The following ANO6 variants were observed in gnomAD, a reference collection of about 807,000 sequenced individuals.
The protein encoded by ANO6 is anoctamin 6, also known as anoctamin-6.
In ANO6, 106 loss-of-function variants were observed where a neutral mutation model predicts 117.5. The observed-to-expected ratio is 0.90, with a 90% CI of 0.77 to 1.06. The LOEUF is 1.06. Among genes scored for constraint, ANO6 ranks in the 50% least tolerant of loss-of-function variants. ANO6 has a pLI of 0.00. For synonymous variants in ANO6, 367 were observed against 385.1 expected, an observed-to-expected ratio of 0.95 and a Z score of 0.55; for missense variants, 955 against 1,121.1, an observed-to-expected ratio of 0.85 and a Z score of 2.12.
At chr12:45,226,712 T>A (rs74450566) in intron 1 of ANO6, among the ~76,000 whole-genome samples, 213 of 152,240 alleles carry the variant, frequency 1.4e-3, no homozygotes, top group African/African-American at 4.8e-3. Flanking sequence ...TGGTGTCACA[T>A]AGTCACAGTC....
chr12:45,241,316 A>T (rs1395766971), intron 1 of ANO6, among the ~76,000 whole-genome samples: 1 of 152,090 alleles, frequency 6.6e-6, no homozygotes, highest in Non-Finnish European at 1.5e-5. Context: ...TCAATCACTG[A>T]TATCATTTCT....
chr12:45,429,404 G>A lies in ANO6; in HGVS notation c.*93G>A. 6.5e-7 allele frequency: 1 copy of A among 1,541,826 alleles called. No individual in the cohort carries two copies. ...GAGAATGTGTAAGTTAAATCACTTT[G>A]GCAAATATGAGTCTCAACTATTGCC... is the stretch of plus-strand genomic sequence containing the variant. On this transcript the variant is annotated 3_prime_UTR_variant, in exon 20 of 20. Coordinates refer to ENST00000320560, the MANE Select transcript of ANO6 (RefSeq NM_001025356.3).
At chr12:45,227,817 T>C (rs1284092714) in intron 1 of ANO6, among the ~76,000 whole-genome samples, 2 of 152,218 alleles carry the variant, frequency 1.3e-5, no homozygotes, top group Non-Finnish European at 2.9e-5. Flanking sequence ...GTAATGACAG[T>C]GGCTGTGCTG....
At chr12:45,222,857 GCCTTGCTGGGTTTCC>G (rs983737711) in intron 1 of ANO6, among the ~76,000 whole-genome samples, 6 of 152,178 alleles carry the variant, frequency 3.9e-5, no homozygotes, top group Non-Finnish European at 8.8e-5. Flanking sequence ...GATCAGACAG[GCCTTGCTGGGTTTCC>G]CCATTCAGTC....
intron 2 of ANO6, among the ~76,000 whole-genome samples, chr12:45,311,889 T>A (rs917722042): frequency 5.9e-5 from 9 of 152,086 alleles, no homozygotes; most frequent in Non-Finnish European, 1.0e-4. Context: ...TTGAGTTTTA[T>A]GCAGTTCATT....
intron 1 of ANO6, among the ~76,000 whole-genome samples, 198 bp from the exon 2 acceptor site, chr12:45,301,816 C>G (rs867368294): frequency 6.6e-6 from 1 of 152,154 alleles, no homozygotes; most frequent in Non-Finnish European, 1.5e-5. Flanking sequence ...ACAACCCTGG[C>G]ATCGTCTGGT....
At position 45,226,146 on chromosome 12, in the gene ANO6, C is replaced by T. The variant is rs567112471; in HGVS notation, c.70+9755C>T. ...ACCAAAGAGCAATTCAAATACTGTT[C>T]AGCCAAAACACATCAGATGGAACAC... On this transcript the variant is annotated intron_variant, in intron 1 of 19. Transcript: ENST00000320560. Among the ~76,000 whole-genome samples the T allele has an allele frequency of 1.8e-4, 27 of 152,260 alleles. No individual in the cohort carries two copies. The East Asian group carries it at 2.7e-3, about 15-fold the overall frequency.
intron 1 of ANO6, among the ~76,000 whole-genome samples, chr12:45,235,120 C>T (rs1947626529): frequency 6.6e-6 from 1 of 152,214 alleles, no homozygotes; most frequent in South Asian, 2.1e-4. Flanking sequence ...GTCAGTGTTT[C>T]CTAATCACCC....
In ANO6 at chr12:45,397,109, A is replaced by G. The variant is rs1002224294; in HGVS notation, c.1387-4686A>G. Among the ~76,000 whole-genome samples the G allele has an allele frequency of 3.8e-4, 58 of 152,236 alleles. 1 individual carries two copies. Among genetic ancestry groups the G allele is most frequent in the African/African-American group, 1.4e-3 (57 of 41,452 alleles). On this transcript the variant is annotated intron_variant, in intron 12 of 19. Transcript: ENST00000320560. ...CAATCTACCCATCTGACAAAGGGCT[A>G]ATATCCAGAATCTACAAGGGACTCA...
At chr12:45,380,338 T>G (rs1242755230) in intron 10 of ANO6, among the ~76,000 whole-genome samples, 2 of 152,226 alleles carry the variant, frequency 1.3e-5, no homozygotes, top group East Asian at 3.9e-4. Context: ...GCTGCATGAC[T>G]GCAATGTTTA....
At chr12:45,376,843 A>T (rs1942037387) in intron 9 of ANO6, among the ~76,000 whole-genome samples, 1 of 151,754 alleles carries the variant, frequency 6.6e-6, no homozygotes, top group African/African-American at 2.4e-5. Context: ...CCTAAAACTT[A>T]AAGTATAATA....
Position 45,429,932 on chromosome 12 carries a change from TTGGAG to T in ANO6, c.*624_*628del, listed in dbSNP as rs913126994. 4 of 988,716 alleles carry T rather than the reference TTGGAG, an allele frequency of 4.0e-6. No individual in the cohort carries two copies. The highest frequency in any genetic ancestry group is 4.6e-5 in the South Asian group (1 of 21,572). 61.2% of individuals were successfully genotyped at this position (988,716 alleles called of 1,614,324 possible). Reference sequence around the variant, plus strand: ...ATCTCAAAAAAATACTCTTAGTAGGTTGGAGTGAAGATAGCAAGGTTTTGAAGCAT... The same window carrying T: ...ATCTCAAAAAAATACTCTTAGTAGGTTGAAGATAGCAAGGTTTTGAAGCAT... On this transcript the variant is annotated 3_prime_UTR_variant, in exon 20 of 20. Transcript: ENST00000320560.
chr12:45,232,805 G>A (rs1163109709), intron 1 of ANO6, among the ~76,000 whole-genome samples: 1 of 152,168 alleles, frequency 6.6e-6, no homozygotes, highest in African/African-American at 2.4e-5. Context: ...ACAAAACTCG[G>A]TCAGTCACCC....
At chr12:45,225,836 A>T (rs568491519) in intron 1 of ANO6, among the ~76,000 whole-genome samples, 1 of 152,326 alleles carries the variant, frequency 6.6e-6, no homozygotes, top group South Asian at 2.1e-4. Context: ...GATTATAATG[A>T]ATTCAGGGCT....
At chr12:45,329,269 C>G (rs548215934) in intron 2 of ANO6, among the ~76,000 whole-genome samples, 2 of 151,976 alleles carry the variant, frequency 1.3e-5, no homozygotes, top group Admixed American at 6.6e-5. Context: ...CTCCCTTTTT[C>G]CCCATTATGT....
chr12:45,245,852 G>A (rs1171546189), intron 1 of ANO6, among the ~76,000 whole-genome samples: 1 of 151,672 alleles, frequency 6.6e-6, no homozygotes, highest in Admixed American at 6.6e-5. Flanking sequence ...TGGTCCCATG[G>A]CTGATTACTA....
At chr12:45,220,922 A>G (rs1024964861) in intron 1 of ANO6, among the ~76,000 whole-genome samples, 1 of 152,236 alleles carries the variant, frequency 6.6e-6, no homozygotes, top group African/African-American at 2.4e-5. Flanking sequence ...TAAAGCCTCC[A>G]TAAGAACCCA....
chr12:45,343,608 C>T (rs1056659266), intron 3 of ANO6, among the ~76,000 whole-genome samples: 3 of 152,182 alleles, frequency 2.0e-5, no homozygotes, highest in Admixed American at 2.0e-4. Context: ...TTCTTACTTA[C>T]CAGTATCATA....
intron 7 of ANO6, among the ~76,000 whole-genome samples, chr12:45,355,180 G>A (rs1044037429): frequency 1.3e-5 from 2 of 152,162 alleles, no homozygotes; most frequent in Non-Finnish European, 2.9e-5. Context: ...AAAAATCAAA[G>A]CTGAATTTTG....
Sources: allele counts gnomAD v4.1 joint callset (sites outside exome capture counted in the v4.1 genomes callset), GRCh38; gene constraint gnomAD v4.1.1; transcripts MANE v1.5; gene names NCBI Gene and HGNC (gene_info 2026-07-23, HGNC 2026-07-21).